NELFCD: variants seen among roughly 807,000 people sequenced by gnomAD.
NELFCD encodes negative elongation factor C/D.
NELFCD carries 48 observed loss-of-function variants against 72.9 expected under a neutral mutation model. That is an observed-to-expected ratio of 0.66 (90% confidence interval 0.52 to 0.84). The LOEUF is 0.84. NELFCD is among the 40% of genes least tolerant of loss of function. The pLI, the probability that NELFCD is intolerant of heterozygous loss-of-function variation, is 0.00. For synonymous variants in NELFCD, 297 were observed against 280.6 expected (o/e 1.06, Z -0.59); for missense variants, 538 against 723.8 (o/e 0.74, Z 2.94).
In NELFCD at chr20:58,981,300, G is replaced by C; in HGVS notation, c.-10G>C. ...GGGAGGGCATGGCGGGGGCCGTGCC[G>C]GGCGCCATCATGGACGAGGACTACT... On this transcript the variant is annotated 5_prime_UTR_variant, in exon 1 of 15. Coordinates refer to ENST00000652272, the MANE Select transcript of NELFCD (RefSeq NM_198976.4). 9.3e-7 allele frequency: 1 copy of C among 1,077,596 alleles called. No individual in the cohort carries two copies. The allele number at this position is 1,077,596 out of a possible 1,614,324, so 66.8% of individuals were successfully genotyped here.
intron 1 of NELFCD, among the ~76,000 whole-genome samples, chr20:58,982,922 T>G (rs916560774): frequency 6.6e-6 from 1 of 151,892 alleles, no homozygotes; most frequent in Non-Finnish European, 1.5e-5. Flanking sequence ...CCTACTTATC[T>G]GGTAAGTGTA....
rs976396063 is a variant in NELFCD, at chr20:58,990,081, T to C, written c.788+93T>C. On this transcript the variant is annotated intron_variant, in intron 7 of 14. Transcript: ENST00000652272. ...GTGTTCCACAGCCAAAGCTGCTAGCTCCTTCTGTTCAACGTAGAGGTAAAC... is the reference window on the plus strand; with the variant it reads ...GTGTTCCACAGCCAAAGCTGCTAGCCCCTTCTGTTCAACGTAGAGGTAAAC... 9 of 1,514,470 alleles carry C rather than the reference T, an allele frequency of 5.9e-6. No homozygotes were observed. The African/African-American group carries it at 1.2e-4, about 21-fold the overall frequency. The allele number at this position is 1,514,470 out of a possible 1,614,324, so 93.8% of individuals were successfully genotyped here.
At position 58,993,411 on chromosome 20, in the gene NELFCD, C is replaced by A; in HGVS notation, c.1345-38C>A. On this transcript the variant is annotated intron_variant, in intron 11 of 14. Coordinates refer to ENST00000652272, the MANE Select transcript of NELFCD (RefSeq NM_198976.4). This position sits in a 1 kb window ranked among gnomAD's most constrained non-coding sequence, Gnocchi z 5.0. Reference sequence around the variant, plus strand: ...AGTTTCTCTGTGTGCTGAGCGTGACCACACTGCTCAGCGAAGCTCCCTCTG... The same window carrying A: ...AGTTTCTCTGTGTGCTGAGCGTGACAACACTGCTCAGCGAAGCTCCCTCTG... 6.3e-7 allele frequency: 1 copy of A among 1,580,786 alleles called. No homozygotes were observed. Among genetic ancestry groups the A allele is most frequent in the South Asian group, 1.1e-5 (1 of 89,970 alleles).
At chr20:58,988,542 T>C (rs1159625308) in intron 4 of NELFCD, among the ~76,000 whole-genome samples, 3 of 152,176 alleles carry the variant, frequency 2.0e-5, no homozygotes, top group Non-Finnish European at 2.9e-5. Flanking sequence ...CTCCATGTGG[T>C]GATGGGCCAG....
chr20:58,984,798 G>A lies in NELFCD; in HGVS notation c.61-1295G>A, dbSNP rs575559140. ...AGATTGGTGAGCAGGTAGATAGCAT[G>A]ACCCAAGAGGTGGTGGAAGAGGCAG... is the stretch of plus-strand genomic sequence containing the variant. On this transcript the variant is annotated intron_variant, in intron 1 of 14. Transcript: ENST00000652272. Among the ~76,000 whole-genome samples, 5 of 152,334 alleles carry A rather than the reference G, an allele frequency of 3.3e-5. No individual in the cohort carries two copies. In the South Asian group the frequency reaches 1.0e-3, roughly 32 times the overall value.
intron 10 of NELFCD, among the ~76,000 whole-genome samples, chr20:58,992,781 G>A (rs775406325): frequency 6.6e-6 from 1 of 151,344 alleles, no homozygotes; most frequent in Non-Finnish European, 1.5e-5. Context: ...CAGGTACTCG[G>A]GAGGCTGCAG....
Position 58,986,388 on chromosome 20 carries a change from C to T in NELFCD, c.176+180C>T. The T allele has an allele frequency of 1.7e-6, 1 of 577,852 alleles. No homozygotes were observed. The allele number at this position is 577,852 out of a possible 1,614,324, so 35.8% of individuals were successfully genotyped here. A position where few individuals can be genotyped will look rare whatever the true frequency, so the allele number is the denominator to read the frequency against. On this transcript the variant is annotated intron_variant, in intron 2 of 14. Coordinates refer to ENST00000652272, the MANE Select transcript of NELFCD (RefSeq NM_198976.4). This position sits in a 1 kb window ranked among gnomAD's most constrained non-coding sequence, Gnocchi z 4.4. ...TAAATTTTTTTAAGACAGAGTCTTG[C>T]TCTGTTGCAGTGGCACAATCACCGC...
At chr20:58,985,170 C>T (rs1177586052) in intron 1 of NELFCD, among the ~76,000 whole-genome samples, 3 of 152,122 alleles carry the variant, frequency 2.0e-5, no homozygotes, top group African/African-American at 4.8e-5. Flanking sequence ...TGCTGTGTTC[C>T]GTAAAAGTTT....
At position 58,994,750 on chromosome 20, in the gene NELFCD, T is replaced by C. The variant is rs1210206684; in HGVS notation, c.*74T>C. On this transcript the variant is annotated 3_prime_UTR_variant, in exon 15 of 15. Coordinates refer to ENST00000652272, the MANE Select transcript of NELFCD (RefSeq NM_198976.4). ...GGAAAAACCCTTTCAAGAAGCTGTT[T>C]TAAGAGGCTCGGGCAGCGTCTTGAA... is the stretch of plus-strand genomic sequence containing the variant. The C allele has an allele frequency of 3.0e-6, 4 of 1,317,116 alleles. No individual in the cohort carries two copies. The African/African-American group carries it at 5.9e-5, about 19-fold the overall frequency. The allele number at this position is 1,317,116 out of a possible 1,614,324, so 81.6% of individuals were successfully genotyped here.
chr20:58,993,020 G>A lies in NELFCD; in HGVS notation c.1252G>A (p.Val418Met), dbSNP rs2146356030. 6.2e-7 allele frequency: 1 copy of A among 1,614,044 alleles called. No homozygotes were observed. Among genetic ancestry groups the A allele is most frequent in the African/African-American group, 1.3e-5 (1 of 75,040 alleles). ...CIRFPVVAMGVLKWVDWTVSE... is the reference protein window; with the variant it reads ...CIRFPVVAMGMLKWVDWTVSE... ...TAGGTTTCCAGTGGTAGCAATGGGT[G>A]TGCTGAAGTGGGTGGATTGGACTGT... Residue 418 changes from valine (V) to methionine (M), a missense_variant, in exon 11 of 15, where the codon GTG becomes ATG. Val to Met is a conservative substitution (Grantham distance 21). Around this residue, in one of 3 missense-constraint regions of NELFCD, gnomAD observed 355 missense variants for 534.5 expected, o/e 0.66. Coordinates refer to ENST00000652272, the MANE Select transcript of NELFCD (RefSeq NM_198976.4). This position sits in a 1 kb window ranked among gnomAD's most constrained non-coding sequence, Gnocchi z 5.0.
chr20:58,988,060 C>T, intron 4 of NELFCD: 1 of 497,350 alleles, frequency 2.0e-6, no homozygotes, highest in Non-Finnish European at 3.6e-6. Context: ...AAGTTCCCAC[C>T]ATTTCCCCTC....
Position 58,993,637 on chromosome 20 carries a change from A to C in NELFCD, c.1454A>C (p.Lys485Thr). The change falls in exon 13 of 15, where the codon AAG becomes ACG. Residue 485 changes from lysine to threonine, a missense_variant. Around this residue, in one of 3 missense-constraint regions of NELFCD, gnomAD observed 136 missense variants for 154.0 expected, o/e 0.88. Coordinates refer to ENST00000652272, the MANE Select transcript of NELFCD (RefSeq NM_198976.4). This position sits in a 1 kb window ranked among gnomAD's most constrained non-coding sequence, Gnocchi z 5.0. ...LDVMEQLELK[K>T]TLLDRMVHLL... ...CTTCTTCTGTAGCTTGAGTTGAAGA[A>C]GACACTGCTGGACAGGATGGTTCAC... The C allele has an allele frequency of 1.2e-6, 2 of 1,614,224 alleles. No homozygotes were observed. Among genetic ancestry groups the C allele is most frequent in the South Asian group, 1.1e-5 (1 of 91,086 alleles).
At chr20:58,992,860 A>AC in intron 10 of NELFCD, 138 bp from the exon 11 acceptor site, 1 of 617,484 alleles carries the variant, frequency 1.6e-6, no homozygotes, top group South Asian at 2.0e-5. Flanking sequence ...AAAAAAAAAA[A>AC]AAAAAAGGGT....
Position 58,986,245 on chromosome 20 carries a change from G to A in NELFCD, c.176+37G>A, listed in dbSNP as rs1380964620. The A allele has an allele frequency of 2.1e-6, 3 of 1,396,344 alleles. No homozygotes were observed. The highest frequency in any genetic ancestry group is 3.1e-6 in the Non-Finnish European group (3 of 981,808). The allele number at this position is 1,396,344 out of a possible 1,614,324, so 86.5% of individuals were successfully genotyped here. On this transcript the variant is annotated intron_variant, in intron 2 of 14. Transcript: ENST00000652272. This position sits in a 1 kb window ranked among gnomAD's most constrained non-coding sequence, Gnocchi z 4.4. ...AGGTGTCTGTATTGGGAGGAGGCTG[G>A]GGGTAATTTAGAGAAAGTTTTGTAA...
rs938649411 is a variant in NELFCD, at chr20:58,989,904, T to C, written c.704T>C (p.Met235Thr). 8 of 1,614,204 alleles carry C rather than the reference T, an allele frequency of 5.0e-6. No homozygotes were observed. Among genetic ancestry groups the C allele is most frequent in the African/African-American group, 2.7e-5 (2 of 75,066 alleles). Residue 235 changes from methionine (M) to threonine (T), a missense_variant, in exon 7 of 15, where the codon ATG becomes ACG. Physicochemically the swap from Met to Thr is moderately conservative, Grantham distance 81. This residue lies in a region of NELFCD where 355 missense variants were observed against 534.5 expected (regional missense o/e 0.66). Coordinates refer to ENST00000652272, the MANE Select transcript of NELFCD (RefSeq NM_198976.4). ...GEHTYLFAQA[M>T]MSVLAQEEQG... ...CACACGTACCTGTTTGCCCAGGCCA[T>C]GATGTCCGTGCTGGCCCAGGAGGAG...
rs920632659 is a variant in NELFCD, at chr20:58,989,931, AG to A, written c.737del (p.Gly246AlafsTer27). ...ATGTCCGTGCTGGCCCAGGAGGAGC[AG>A]GGGGGCTCCGCTGTGCGCAGGATCG... ...AMMSVLAQEE[Q>X]GGSAVRRIAQ... On this transcript the variant is annotated frameshift_variant, in exon 7 of 15. Coordinates refer to ENST00000652272, the MANE Select transcript of NELFCD (RefSeq NM_198976.4). LOFTEE classifies it high-confidence loss of function. 3.1e-6 allele frequency: 5 copies of A among 1,614,042 alleles called. No individual in the cohort carries two copies. In the African/African-American group the frequency reaches 5.3e-5, roughly 17 times the overall value.
rs1437546802 is a variant in NELFCD at position 58,987,818 on chromosome 20, G to A, written c.396+1G>A. 6.8e-6 allele frequency: 11 copies of A among 1,612,478 alleles called. No individual in the cohort carries two copies. The highest frequency in any genetic ancestry group is 9.3e-6 in the Non-Finnish European group (11 of 1,178,504). ...TTCTATTTTTACTGAAGAAGGAGAG[G>A]TGAGAAATTATTTTTCTTTGCCTAG... On this transcript the variant is annotated splice_donor_variant, in intron 4 of 14. Coordinates refer to ENST00000652272, the MANE Select transcript of NELFCD (RefSeq NM_198976.4). LOFTEE classifies it high-confidence loss of function.
rs1347283603 is a variant in NELFCD at position 58,986,456 on chromosome 20, C to T, written c.176+248C>T. ...TCCTGGAATCAAGCAGTTCTCCCAC[C>T]TCAGCCTTGCAAGGTGGCCACCACA... On this transcript the variant is annotated intron_variant, in intron 2 of 14. Coordinates refer to ENST00000652272, the MANE Select transcript of NELFCD (RefSeq NM_198976.4). The surrounding 1 kb of genome is among the most constrained non-coding windows in gnomAD (Gnocchi z 4.4). 1.1e-5 allele frequency: 6 copies of T among 557,450 alleles called. No individual in the cohort carries two copies. Among genetic ancestry groups the T allele is most frequent in the Non-Finnish European group, 1.9e-5 (6 of 318,912 alleles). 34.5% of individuals were successfully genotyped at this position (557,450 alleles called of 1,614,324 possible).
Position 58,989,229 on chromosome 20 carries a change from G to T in NELFCD, c.504+208G>T, listed in dbSNP as rs1380124084. On this transcript the variant is annotated intron_variant, in intron 5 of 14. Transcript: ENST00000652272. ...TGACTGTGTTTTAGGATTTAGCAGGGATACAAGAATTCTCTTGTGGTTGGA... is the reference window on the plus strand; with the variant it reads ...TGACTGTGTTTTAGGATTTAGCAGGTATACAAGAATTCTCTTGTGGTTGGA... 6.5e-6 allele frequency: 4 copies of T among 618,108 alleles called. No individual in the cohort carries two copies. In the Admixed American group the frequency reaches 1.2e-4, roughly 18 times the overall value. The allele number at this position is 618,108 out of a possible 1,614,324, so 38.3% of individuals were successfully genotyped here. A position where few individuals can be genotyped will look rare whatever the true frequency, so the allele number is the denominator to read the frequency against.
Sources: allele counts gnomAD v4.1 joint callset (sites outside exome capture counted in the v4.1 genomes callset), GRCh38; gene constraint gnomAD v4.1.1; regional missense constraint gnomAD v4.1.1; non-coding constraint Gnocchi (gnomAD v3.1); transcripts MANE v1.5; gene names NCBI Gene and HGNC (gene_info 2026-07-23, HGNC 2026-07-21).